Variants in PRKG1 observed in about 807,000 individuals in gnomAD.
PRKG1 encodes the protein protein kinase cGMP-dependent 1.
In PRKG1, 35 loss-of-function variants were observed where a neutral mutation model predicts 88.1. That is an observed-to-expected ratio of 0.40 (90% CI 0.30 to 0.53). PRKG1 has a LOEUF of 0.53. PRKG1 is among the 20% of genes least tolerant of loss of function. PRKG1 has a pLI of 0.59. For missense variants in PRKG1, 540 were observed against 839.8 expected (o/e 0.64, Z 4.41); for synonymous variants, 303 against 292.5 (o/e 1.04, Z -0.37).
At chr10:51,009,620 A>G (rs1842971645) in intron 1 of PRKG1, among the ~76,000 whole-genome samples, 1 of 152,206 alleles carries the variant, frequency 6.6e-6, no homozygotes, top group South Asian at 2.1e-4. Flanking sequence ...AATTAGTTTT[A>G]TATAAAATAA....
chr10:52,007,655 G>T (rs1381153437), intron 5 of PRKG1, among the ~76,000 whole-genome samples: 2 of 152,056 alleles, frequency 1.3e-5, no homozygotes, highest in Non-Finnish European at 2.9e-5. Flanking sequence ...GAAGAGATGT[G>T]AATTCCTGCA....
chr10:51,767,229 G>A (rs1354550300), intron 3 of PRKG1, among the ~76,000 whole-genome samples: 1 of 152,096 alleles, frequency 6.6e-6, no homozygotes, highest in Non-Finnish European at 1.5e-5. Context: ...GCGGAGATTG[G>A]CGTAAATGCA....
rs116652974 is a variant in PRKG1, at chr10:51,973,827, G to A, written c.762+66257G>A. Among the ~76,000 whole-genome samples the A allele has an allele frequency of 4.9e-3, 751 of 152,110 alleles. 8 individuals carry two copies. Among genetic ancestry groups the A allele is most frequent in the African/African-American group, 0.017 (718 of 41,502 alleles). The stretch of plus-strand genomic sequence containing the variant: ...GTAGCGACAATTGGTTAAGATTAGG[G>A]GTTGGCAAAATGTAACTCATGGATC... On this transcript the variant is annotated intron_variant, in intron 5 of 17. Coordinates refer to ENST00000373980, the MANE Select transcript of PRKG1 (RefSeq NM_006258.4).
chr10:51,977,065 C>G lies in PRKG1; in HGVS notation c.762+69495C>G, dbSNP rs1041400916. Among the ~76,000 whole-genome samples, 10 of 151,670 alleles carry G rather than the reference C, an allele frequency of 6.6e-5. No homozygotes were observed. The East Asian group carries it at 1.9e-3, about 29-fold the overall frequency. Reference sequence around the variant, plus strand: ...GGTATTGTACAGATTATTTTATCACCCACATATTAAGCCTAGTGACCATTA... The same window carrying G: ...GGTATTGTACAGATTATTTTATCACGCACATATTAAGCCTAGTGACCATTA... On this transcript the variant is annotated intron_variant, in intron 5 of 17. Coordinates refer to ENST00000373980, the MANE Select transcript of PRKG1 (RefSeq NM_006258.4).
intron 1 of PRKG1, among the ~76,000 whole-genome samples, chr10:51,098,948 G>A (rs10822211): frequency 2.6e-5 from 4 of 152,050 alleles, no homozygotes; most frequent in Non-Finnish European, 4.4e-5. Flanking sequence ...AAACCTTGCA[G>A]TTTCTCACAT....
At chr10:51,094,453 T>A (rs1336004657) in intron 1 of PRKG1, among the ~76,000 whole-genome samples, 1 of 152,064 alleles carries the variant, frequency 6.6e-6, no homozygotes, top group African/African-American at 2.4e-5. Flanking sequence ...ATTCTAAAAA[T>A]TAAAATACAT....
intron 2 of PRKG1, among the ~76,000 whole-genome samples, chr10:51,212,123 G>T (rs1014262877): frequency 3.2e-4 from 49 of 152,192 alleles, no homozygotes; most frequent in African/African-American, 1.1e-3. Context: ...CAGAGATATA[G>T]ACCAATGGAA....
intron 7 of PRKG1, among the ~76,000 whole-genome samples, chr10:52,066,779 T>C (rs752272130): frequency 3.5e-4 from 53 of 152,220 alleles, no homozygotes; most frequent in Admixed American, 2.6e-4. Flanking sequence ...GATTTTGTAA[T>C]CTGATTTTTT....
intron 1 of PRKG1, among the ~76,000 whole-genome samples, chr10:51,051,173 T>C (rs1843555634): frequency 6.6e-6 from 1 of 152,116 alleles, no homozygotes; most frequent in African/African-American, 2.4e-5. Context: ...GACAGAATCC[T>C]GCTTGTCTAT....
intron 3 of PRKG1, among the ~76,000 whole-genome samples, chr10:51,592,613 C>A (rs961330891): frequency 6.6e-6 from 1 of 152,162 alleles, no homozygotes; most frequent in Non-Finnish European, 1.5e-5. Flanking sequence ...GAACAGCAGA[C>A]ACCATACATT....
chr10:51,080,309 C>A (rs543386691), intron 1 of PRKG1, among the ~76,000 whole-genome samples: 1 of 152,310 alleles, frequency 6.6e-6, no homozygotes, highest in African/African-American at 2.4e-5. Flanking sequence ...TTACCAGCTT[C>A]CTTGCTCTAC....
chr10:51,947,957 G>A (rs7070777), intron 5 of PRKG1, among the ~76,000 whole-genome samples: 10,076 of 152,146 alleles, frequency 0.066, 960 homozygotes, highest in African/African-American at 0.21. Flanking sequence ...ACTGGACACC[G>A]TCATTAATAA....
intron 9 of PRKG1, among the ~76,000 whole-genome samples, chr10:52,212,348 G>C (rs748005892): frequency 6.6e-6 from 1 of 152,130 alleles, no homozygotes; most frequent in Non-Finnish European, 1.5e-5. Flanking sequence ...TCACTGTATG[G>C]AGAAACCTTT....
rs537404718 is a variant in PRKG1, at chr10:51,771,747, G to A, written c.593-32838G>A. Among the ~76,000 whole-genome samples the A allele has an allele frequency of 1.2e-4, 19 of 152,166 alleles. No homozygotes were observed. The South Asian group carries it at 3.3e-3, about 27-fold the overall frequency. Reference sequence around the variant, plus strand: ...CTGTTATCACATAAATTGCTGAAACGTAGGTCCACCCCTAGCACTTCAGGC... The same window carrying A: ...CTGTTATCACATAAATTGCTGAAACATAGGTCCACCCCTAGCACTTCAGGC... On this transcript the variant is annotated intron_variant, in intron 3 of 17. Coordinates refer to ENST00000373980, the MANE Select transcript of PRKG1 (RefSeq NM_006258.4).
chr10:52,147,331 G>T (rs989055017), intron 8 of PRKG1, among the ~76,000 whole-genome samples: 1 of 152,186 alleles, frequency 6.6e-6, no homozygotes, highest in Non-Finnish European at 1.5e-5. Context: ...GAAAGGAAGA[G>T]TTCACACAAG....
At chr10:51,523,523 A>G (rs886228266) in intron 3 of PRKG1, among the ~76,000 whole-genome samples, 6 of 152,088 alleles carry the variant, frequency 3.9e-5, no homozygotes, top group Admixed American at 3.9e-4. Flanking sequence ...CTAGGATAAT[A>G]TTTTTTACTG....
chr10:52,199,532 C>A (rs1237542929), intron 9 of PRKG1, among the ~76,000 whole-genome samples: 1 of 152,138 alleles, frequency 6.6e-6, no homozygotes, highest in East Asian at 1.9e-4. Context: ...AGAATGTATT[C>A]ACTATCTTCT....
chr10:52,102,494 T>G (rs754055854), intron 7 of PRKG1, among the ~76,000 whole-genome samples: 39 of 151,754 alleles, frequency 2.6e-4, no homozygotes, highest in Non-Finnish European at 5.3e-4. Flanking sequence ...AAACAACAAA[T>G]TTCTGCTGGA....
At position 52,064,537 on chromosome 10, in the gene PRKG1, A is replaced by C. The variant is rs961308175; in HGVS notation, c.935+1906A>C. On this transcript the variant is annotated intron_variant, in intron 7 of 17. Transcript: ENST00000373980. ...AACAGCACAGGGGAGGCCCGGGTCC[A>C]TGGCCGTGACTTCGGGCAGCTGTAG... Among the ~76,000 whole-genome samples the C allele has an allele frequency of 1.1e-3, 164 of 152,158 alleles. 4 individuals are homozygous for C. The highest frequency in any genetic ancestry group is 2.4e-4 in the Non-Finnish European group (16 of 68,014).
Sources: allele counts gnomAD v4.1 joint callset (sites outside exome capture counted in the v4.1 genomes callset), GRCh38; gene constraint gnomAD v4.1.1; transcripts MANE v1.5; gene names NCBI Gene and HGNC (gene_info 2026-07-23, HGNC 2026-07-21).